RNF145: variants seen among roughly 807,000 people sequenced by gnomAD.
RNF145 encodes the protein ring finger protein 145.
Under a neutral mutation model 57.3 loss-of-function variants are expected in RNF145, and 12 were observed. The ratio of observed to expected loss-of-function variants is 0.21; its 90% CI spans 0.13 to 0.34. The LOEUF (loss-of-function observed/expected upper bound fraction) is 0.34, where lower values mean the gene tolerates loss of function less well. Among genes scored for constraint, RNF145 ranks in the 10% least tolerant of loss-of-function variants. The probability of loss-of-function intolerance (pLI) is 1.00; values close to 1 mark genes in which losing one functional copy is unlikely to be tolerated. For synonymous variants in RNF145, 262 were observed against 288.3 expected, an observed-to-expected ratio of 0.91 and a Z score of 0.92; for missense variants, 429 against 799.0, an observed-to-expected ratio of 0.54 and a Z score of 5.58.
chr5:159,186,927 G>A (rs990705951), intron 3 of RNF145, among the ~76,000 whole-genome samples: 7 of 152,080 alleles, frequency 4.6e-5, no homozygotes, highest in Non-Finnish European at 1.0e-4. Flanking sequence ...AGGTTGCAGT[G>A]AGCCAAGATT....
At position 159,174,601 on chromosome 5, in the gene RNF145, A is replaced by G. The variant is rs149193183; in HGVS notation, c.622-443T>C. Among the ~76,000 whole-genome samples, 433 of 152,312 alleles carry G rather than the reference A, an allele frequency of 2.8e-3. 1 individual carries two copies. Among genetic ancestry groups the G allele is most frequent in the African/African-American group, 9.6e-3 (398 of 41,570 alleles). On this transcript the variant is annotated intron_variant, in intron 5 of 10. Transcript: ENST00000424310. ...GGTTTATTCAGAAATGTCACAAATG[A>G]GAAACAGTTCAATGGAAGAAGAGTA...
intron 2 of RNF145, among the ~76,000 whole-genome samples, chr5:159,196,216 T>C (rs1236122446): frequency 2.1e-5 from 3 of 144,664 alleles, no homozygotes; most frequent in South Asian, 2.2e-4. Flanking sequence ...TAAACTTTCT[T>C]AAAATATTAT....
At chr5:159,202,844 T>A (rs979987116) in intron 2 of RNF145, among the ~76,000 whole-genome samples, 1 of 152,002 alleles carries the variant, frequency 6.6e-6, no homozygotes, top group East Asian at 1.9e-4. Context: ...ATTTCTTCAA[T>A]CTCTTATCAT....
chr5:159,179,447 C>T (rs1399890237), intron 4 of RNF145, among the ~76,000 whole-genome samples: 1 of 151,958 alleles, frequency 6.6e-6, no homozygotes, highest in East Asian at 1.9e-4. Context: ...ATTAAAATTA[C>T]CTAGTTTTTC....
At position 159,157,794 on chromosome 5, in the gene RNF145, T is replaced by C. The variant is rs1784089540; in HGVS notation, c.*876A>G. ...ATAATTTAACACTGTTTTGATTCAG[T>C]TGCAAGAATTAAACATTACACAGGA... On this transcript the variant is annotated 3_prime_UTR_variant, in exon 11 of 11. Transcript: ENST00000424310. 6.5e-6 allele frequency: 1 copy of C among 152,780 alleles called. No individual in the cohort carries two copies. Among genetic ancestry groups the C allele is most frequent in the Non-Finnish European group, 1.5e-5 (1 of 68,036 alleles). The allele number at this position is 152,780 out of a possible 1,614,324, so 9.5% of individuals were successfully genotyped here. A position where few individuals can be genotyped will look rare whatever the true frequency, so the allele number is the denominator to read the frequency against.
intron 8 of RNF145, 48 bp downstream of exon 8, chr5:159,168,825 A>G (rs764712750): frequency 8.2e-7 from 1 of 1,223,654 alleles, no homozygotes; most frequent in Admixed American, 2.8e-5. Flanking sequence ...AAATGCATGT[A>G]AAGAATATTA....
chr5:159,160,654 G>A (rs574614624), intron 10 of RNF145, among the ~76,000 whole-genome samples: 1 of 152,282 alleles, frequency 6.6e-6, no homozygotes, highest in East Asian at 1.9e-4. Context: ...AGTGATTTAA[G>A]TACTACCTTT....
At chr5:159,207,984 AT>A in intron 1 of RNF145, 2 of 1,566,338 alleles carry the variant, frequency 1.3e-6, no homozygotes, top group Non-Finnish European at 1.7e-6. Flanking sequence ...CACACTCCGT[AT>A]TTTAAAAAAT....
rs192472645 is a variant in RNF145 at position 159,207,981 on chromosome 5, C to T, written c.-40+1250G>A. 6.9e-5 allele frequency: 108 copies of T among 1,572,528 alleles called. No individual in the cohort carries two copies. In the Admixed American group the frequency reaches 8.0e-4, roughly 12 times the overall value. On this transcript the variant is annotated intron_variant, in intron 1 of 10. Transcript: ENST00000424310. ...CAAGATTCAGTAAAACTGCACACTC[C>T]GTATTTTAAAAAATAAAAAGACACA...
intron 4 of RNF145, among the ~76,000 whole-genome samples, chr5:159,179,269 A>G (rs563561496): frequency 1.3e-5 from 2 of 152,188 alleles, no homozygotes; most frequent in African/African-American, 4.8e-5. Flanking sequence ...TCATATTGTT[A>G]GTGGAATTTC....
intron 6 of RNF145, among the ~76,000 whole-genome samples, chr5:159,170,272 G>A (rs1337341126): frequency 1.3e-5 from 2 of 152,122 alleles, no homozygotes; most frequent in African/African-American, 4.8e-5. Context: ...ATGGAGCAGG[G>A]TGTATCACTC....
intron 2 of RNF145, among the ~76,000 whole-genome samples, chr5:159,198,776 C>T (rs1415127717): frequency 1.3e-5 from 2 of 152,098 alleles, no homozygotes; most frequent in Non-Finnish European, 2.9e-5. Context: ...AATCCTAGCA[C>T]TCTTGGAGGC....
chr5:159,200,038 C>A (rs976289899), intron 2 of RNF145, among the ~76,000 whole-genome samples: 2 of 152,072 alleles, frequency 1.3e-5, no homozygotes, highest in Non-Finnish European at 1.5e-5. Context: ...TACCTAGAAA[C>A]AATAAATGTC....
At chr5:159,175,088 A>T (rs1160208984) in intron 5 of RNF145, among the ~76,000 whole-genome samples, 1 of 152,176 alleles carries the variant, frequency 6.6e-6, no homozygotes, top group Non-Finnish European at 1.5e-5. Flanking sequence ...AAGTTAAAAT[A>T]AATTGACTTG....
chr5:159,162,907 T>C (rs1322436038), intron 9 of RNF145, 25 bp downstream of exon 9: 2 of 1,563,634 alleles, frequency 1.3e-6, no homozygotes, highest in African/African-American at 1.4e-5. Flanking sequence ...GGTTATTATA[T>C]AGAGTTAATT....
chr5:159,165,178 C>CACAT (rs949425534), intron 8 of RNF145, among the ~76,000 whole-genome samples: 1 of 152,140 alleles, frequency 6.6e-6, no homozygotes, highest in Admixed American at 6.5e-5. Flanking sequence ...ACCCACTTCC[C>CACAT]ACATACAGGT....
At chr5:159,176,396 A>C (rs1337922747) in intron 5 of RNF145, among the ~76,000 whole-genome samples, 1 of 152,104 alleles carries the variant, frequency 6.6e-6, no homozygotes, top group African/African-American at 2.4e-5. Context: ...CAGCAGCATC[A>C]GGGTTCGATC....
chr5:159,193,063 T>G (rs1274584495), intron 3 of RNF145, among the ~76,000 whole-genome samples: 3 of 152,196 alleles, frequency 2.0e-5, no homozygotes, highest in Non-Finnish European at 2.9e-5. Flanking sequence ...ATCATGTCTG[T>G]ATCAGTATTG....
At position 159,163,089 on chromosome 5, in the gene RNF145, G is replaced by C. The variant is rs1784283214; in HGVS notation, c.1122-10C>G. ...GTGTTTCCACAAGCTCCTGGAGAAAGACAAAATTATTCTTTTTAAGTGCCT... is the reference window on the plus strand; with the variant it reads ...GTGTTTCCACAAGCTCCTGGAGAAACACAAAATTATTCTTTTTAAGTGCCT... On this transcript the variant is annotated splice_polypyrimidine_tract_variant and intron_variant, in intron 8 of 10. Transcript: ENST00000424310. 1.3e-6 allele frequency: 2 copies of C among 1,585,114 alleles called. No homozygotes were observed. Among genetic ancestry groups the C allele is most frequent in the African/African-American group, 2.7e-5 (2 of 72,868 alleles).
Sources: gnomAD v4.1 joint callset for allele counts (sites outside exome capture counted in the v4.1 genomes callset) on GRCh38, gnomAD v4.1.1 for gene constraint, MANE v1.5 for transcripts, NCBI Gene and HGNC (gene_info 2026-07-23, HGNC 2026-07-21) for gene names.